Variants in DZIP1L observed in about 807,000 individuals in gnomAD.
The protein encoded by DZIP1L is cilium assembly protein DZIP1L.
DZIP1L carries 90 observed loss-of-function variants against 88.7 expected under a neutral mutation model. That is an observed-to-expected ratio of 1.02 (90% CI 0.86 to 1.21). DZIP1L has a LOEUF of 1.21. Ranked by LOEUF, DZIP1L falls within the 50% of genes most tolerant of loss-of-function variation. The pLI is 0.00. For missense variants in DZIP1L, 932 were observed against 955.8 expected (o/e 0.98, Z 0.33); for synonymous variants, 363 against 372.1 (o/e 0.98, Z 0.28).
chr3:138,090,480 A>G (rs1300729420), intron 5 of DZIP1L, among the ~76,000 whole-genome samples: 1 of 152,156 alleles, frequency 6.6e-6, no homozygotes, highest in Non-Finnish European at 1.5e-5. Context: ...TCAATAGTGG[A>G]GCAGCATCTT....
chr3:138,102,058 C>G (rs1369639993), intron 2 of DZIP1L: 1 of 1,478,416 alleles, frequency 6.8e-7, no homozygotes, highest in Non-Finnish European at 9.4e-7. Context: ...TGCAGCTCCT[C>G]ATACTTGATC....
chr3:138,081,309 G>A (rs1489126442), intron 9 of DZIP1L, among the ~76,000 whole-genome samples: 2 of 152,272 alleles, frequency 1.3e-5, no homozygotes, highest in East Asian at 3.9e-4. Context: ...TACCCAAGAG[G>A]AGGAGACTGT....
intron 5 of DZIP1L, chr3:138,089,171 C>G: frequency 1.0e-6 from 1 of 985,426 alleles, no homozygotes; most frequent in Non-Finnish European, 1.2e-6. Flanking sequence ...AAGGATGTAA[C>G]TCCAAGTGCC....
At chr3:138,088,806 G>A in intron 5 of DZIP1L, 1 of 1,034,364 alleles carries the variant, frequency 9.7e-7, no homozygotes, top group Non-Finnish European at 1.2e-6. Context: ...CCTGACTGCT[G>A]CCCCATTTCT....
At position 138,064,712 on chromosome 3, in the gene DZIP1L, T is replaced by G; in HGVS notation, c.2058A>C (p.Ala686=). The change falls in exon 15 of 16, where the codon GCA becomes GCC. Residue 686 remains alanine (A), a synonymous_variant. Transcript: ENST00000327532. ...KNLEKQLEAP[A]KKPAGGVSLF... ...GACTGACCCCTCCAGCAGGCTTCTT[T>G]GCTGGAGCTTCTAGCTGCTTCTCCA... The G allele has an allele frequency of 1.2e-6, 2 of 1,609,794 alleles. No homozygotes were observed. Among genetic ancestry groups the G allele is most frequent in the Non-Finnish European group, 1.7e-6 (2 of 1,178,586 alleles).
At position 138,064,608 on chromosome 3, in the gene DZIP1L, C is replaced by G. The variant is rs773920784; in HGVS notation, c.2142+20G>C. ...TCTGTAGAGAATTCCAGAGTAAACT[C>G]TAAGCATCCTACATCCTACCTGAGG... On this transcript the variant is annotated intron_variant, in intron 15 of 15. Transcript: ENST00000327532. 6.2e-7 allele frequency: 1 copy of G among 1,614,130 alleles called. No individual in the cohort carries two copies. The highest frequency in any genetic ancestry group is 1.1e-5 in the South Asian group (1 of 91,058).
intron 11 of DZIP1L, among the ~76,000 whole-genome samples, chr3:138,072,330 C>G (rs1943219685): frequency 6.6e-6 from 1 of 152,112 alleles, no homozygotes; most frequent in Non-Finnish European, 1.5e-5. Context: ...CACCCAGAGC[C>G]CATGGGAGGG....
At position 138,092,939 on chromosome 3, in the gene DZIP1L, C is replaced by A. The variant is rs553841864; in HGVS notation, c.709-395G>T. On this transcript the variant is annotated intron_variant, in intron 4 of 15. Coordinates refer to ENST00000327532, the MANE Select transcript of DZIP1L (RefSeq NM_173543.3). ...GTCTTGAATCCCTCAAAGTCATCCACGATGGCTAGAATCAATTTCATCCAA... is the reference window on the plus strand; with the variant it reads ...GTCTTGAATCCCTCAAAGTCATCCAAGATGGCTAGAATCAATTTCATCCAA... Among the ~76,000 whole-genome samples the A allele has an allele frequency of 2.6e-5, 4 of 152,290 alleles. No homozygotes were observed. In the South Asian group the frequency reaches 8.3e-4, roughly 32 times the overall value.
In DZIP1L at chr3:138,088,257, G is replaced by T; in HGVS notation, c.999+122C>A. ...CTATGCTTTCATGTACTGGCAGAAG[G>T]TCTGAAAATATAGAACTTTGATGTC... On this transcript the variant is annotated intron_variant, in intron 6 of 15. Transcript: ENST00000327532. 2.2e-6 allele frequency: 3 copies of T among 1,335,408 alleles called. No homozygotes were observed. In the South Asian group the frequency reaches 4.9e-5, roughly 22 times the overall value. 82.7% of individuals were successfully genotyped at this position (1,335,408 alleles called of 1,614,324 possible).
intron 12 of DZIP1L, among the ~76,000 whole-genome samples, chr3:138,070,405 G>A (rs949343193): frequency 7.2e-5 from 11 of 152,166 alleles, no homozygotes; most frequent in Non-Finnish European, 1.2e-4. Flanking sequence ...GATAAAAACC[G>A]TCCTTTCCTT....
chr3:138,084,402 C>T, intron 7 of DZIP1L, 149 bp from the exon 8 acceptor site: 1 of 1,105,472 alleles, frequency 9.0e-7, no homozygotes. Context: ...AGACAACCTT[C>T]CAGTCTGGGG....
At chr3:138,080,444 C>T in intron 10 of DZIP1L, 123 bp downstream of exon 10, 1 of 1,019,462 alleles carries the variant, frequency 9.8e-7, no homozygotes, top group South Asian at 1.5e-5. Flanking sequence ...ATTTCATGTC[C>T]TTAGATCCCT....
At chr3:138,102,351 A>C in intron 2 of DZIP1L, 3 of 1,202,012 alleles carry the variant, frequency 2.5e-6, no homozygotes, top group Non-Finnish European at 3.7e-6. Context: ...TTTATTCTCC[A>C]TCTTTGTATG....
chr3:138,080,373 A>C, intron 10 of DZIP1L, 194 bp downstream of exon 10: 1 of 509,984 alleles, frequency 2.0e-6, no homozygotes, highest in Non-Finnish European at 3.5e-6. Context: ...CTAAACCAGC[A>C]GATTGTATGT....
At chr3:138,077,668 C>T (rs551587941) in intron 10 of DZIP1L, 36 bp from the exon 11 acceptor site, 4 of 1,610,002 alleles carry the variant, frequency 2.5e-6, no homozygotes, top group South Asian at 2.2e-5. Flanking sequence ...TCAGCCTGGG[C>T]ACCTGAGTTC....
chr3:138,085,337 A>C (rs1252843252), intron 7 of DZIP1L, among the ~76,000 whole-genome samples: 72 of 152,332 alleles, frequency 4.7e-4, no homozygotes, highest in African/African-American at 1.5e-3. Context: ...AAATGGGAGA[A>C]AATTTTTGCA....
At chr3:138,067,762 A>G in intron 13 of DZIP1L, 62 bp from the exon 14 acceptor site, 1 of 1,488,914 alleles carries the variant, frequency 6.7e-7, no homozygotes, top group East Asian at 2.5e-5. Flanking sequence ...TCAAAAGCCA[A>G]ACTTCACCAC....
At chr3:138,085,433 A>C (rs900474374) in intron 7 of DZIP1L, among the ~76,000 whole-genome samples, 1 of 152,252 alleles carries the variant, frequency 6.6e-6, no homozygotes, top group South Asian at 2.1e-4. Flanking sequence ...AACCCCATCA[A>C]AAAGTGGGCA....
intron 14 of DZIP1L, among the ~76,000 whole-genome samples, chr3:138,065,288 A>C (rs1429678877): frequency 6.6e-6 from 1 of 152,244 alleles, no homozygotes; most frequent in Non-Finnish European, 1.5e-5. Flanking sequence ...AGGAATGACC[A>C]GGAAGCAGGA....
Sources: gnomAD v4.1 joint callset for allele counts (sites outside exome capture counted in the v4.1 genomes callset) on GRCh38, gnomAD v4.1.1 for gene constraint, MANE v1.5 for transcripts, NCBI Gene and HGNC (gene_info 2026-07-23, HGNC 2026-07-21) for gene names.